Variants in BOLL observed in about 807,000 individuals in gnomAD.
BOLL encodes boule RNA binding protein, also known as protein boule-like.
Under a neutral mutation model 44.4 loss-of-function variants are expected in BOLL, and 23 were observed. That is an observed-to-expected ratio of 0.52 (90% confidence interval 0.37 to 0.73). BOLL has a LOEUF of 0.73. Ranked by LOEUF, BOLL falls within the 30% of genes least tolerant of loss-of-function variation. The pLI is 0.00. For synonymous variants in BOLL, 97 were observed against 110.8 expected (o/e 0.88, Z 0.78); for missense variants, 287 against 338.3 (o/e 0.85, Z 1.19).
chr2:197,780,241 A>G (rs775728126), intron 2 of BOLL, among the ~76,000 whole-genome samples: 3 of 152,166 alleles, frequency 2.0e-5, no homozygotes, highest in Non-Finnish European at 4.4e-5. Flanking sequence ...GTTTGCTTAT[A>G]AAAATGAAAG....
At position 197,728,379 on chromosome 2, in the gene BOLL, C is replaced by T; in HGVS notation, c.*176G>A. ...TAATTTTGTAGAACAGCTGAAAAAG[C>T]AAATTTCATCAAATTTAGACAGCTT... On this transcript the variant is annotated 3_prime_UTR_variant, in exon 11 of 11. Coordinates refer to ENST00000392296, the MANE Select transcript of BOLL (RefSeq NM_033030.6). 9.4e-7 allele frequency: 1 copy of T among 1,060,734 alleles called. No individual in the cohort carries two copies. Among genetic ancestry groups the T allele is most frequent in the Non-Finnish European group, 1.3e-6 (1 of 744,114 alleles). The allele number at this position is 1,060,734 out of a possible 1,614,324, so 65.7% of individuals were successfully genotyped here.
At chr2:197,757,514 A>G in intron 7 of BOLL, 114 bp from the exon 8 acceptor site, 1 of 820,028 alleles carries the variant, frequency 1.2e-6, no homozygotes, top group Non-Finnish European at 1.9e-6. Flanking sequence ...ACAAAAATTA[A>G]CTCAAGCCAT....
chr2:197,748,818 C>T (rs1228063617), intron 9 of BOLL, among the ~76,000 whole-genome samples: 4 of 152,262 alleles, frequency 2.6e-5, no homozygotes, highest in Admixed American at 6.5e-5. Flanking sequence ...CTTCAGCAGA[C>T]TTAAATGTTC....
chr2:197,758,306 A>G (rs1688606797), intron 7 of BOLL, among the ~76,000 whole-genome samples: 2 of 152,220 alleles, frequency 1.3e-5, no homozygotes, highest in Admixed American at 6.5e-5. Flanking sequence ...TATCCATACA[A>G]TGGGATATTA....
At chr2:197,736,885 A>T (rs185940372) in intron 10 of BOLL, among the ~76,000 whole-genome samples, 253 of 152,026 alleles carry the variant, frequency 1.7e-3, no homozygotes, top group Non-Finnish European at 2.1e-3. Flanking sequence ...TGCTCTCTCT[A>T]TTCTAGCATT....
chr2:197,747,346 G>A (rs1384653515), intron 9 of BOLL, among the ~76,000 whole-genome samples: 4 of 152,050 alleles, frequency 2.6e-5, no homozygotes, highest in African/African-American at 9.7e-5. Flanking sequence ...CACTTTGGGA[G>A]GCCGAGGCAG....
chr2:197,730,724 G>A (rs1687122953), intron 10 of BOLL, among the ~76,000 whole-genome samples: 1 of 151,626 alleles, frequency 6.6e-6, no homozygotes, highest in Non-Finnish European at 1.5e-5. Context: ...AGCTTCATAA[G>A]TGAAGGAGAA....
chr2:197,740,710 A>C lies in BOLL; in HGVS notation c.828+2351T>G, dbSNP rs560655273. Among the ~76,000 whole-genome samples the C allele has an allele frequency of 9.9e-5, 15 of 152,276 alleles. No individual in the cohort carries two copies. The South Asian group carries it at 3.1e-3, about 32-fold the overall frequency. The stretch of plus-strand genomic sequence containing the variant: ...TTCATATAGATAGAAAGTAAATTAG[A>C]GGTTACCAGGGACTAGGGGTTGAGA... On this transcript the variant is annotated intron_variant, in intron 10 of 10. Coordinates refer to ENST00000392296, the MANE Select transcript of BOLL (RefSeq NM_033030.6).
At position 197,771,997 on chromosome 2, in the gene BOLL, AAAT is replaced by A; in HGVS notation, c.353-18_353-16del. On this transcript the variant is annotated splice_polypyrimidine_tract_variant and intron_variant, in intron 5 of 10. Transcript: ENST00000392296. ...TATACTAGAACCTAAAGCAAAGATT[AAAT>A]AATAATAATTGAAATGTTCAATTTA... is the stretch of plus-strand genomic sequence containing the variant. The A allele has an allele frequency of 2.0e-6, 3 of 1,531,088 alleles. No homozygotes were observed. Among genetic ancestry groups the A allele is most frequent in the Non-Finnish European group, 2.7e-6 (3 of 1,131,088 alleles). The allele number at this position is 1,531,088 out of a possible 1,614,324, so 94.8% of individuals were successfully genotyped here.
chr2:197,754,865 A>G (rs1261941776), intron 9 of BOLL, among the ~76,000 whole-genome samples: 2 of 152,336 alleles, frequency 1.3e-5, no homozygotes, highest in South Asian at 4.1e-4. Flanking sequence ...GAAAACATCA[A>G]AAGCAATTGC....
At position 197,762,112 on chromosome 2, in the gene BOLL, G is replaced by A. The variant is rs372838824; in HGVS notation, c.552+4420C>T. Among the ~76,000 whole-genome samples, 47 of 152,240 alleles carry A rather than the reference G, an allele frequency of 3.1e-4. 2 individuals are homozygous for A. The highest frequency in any genetic ancestry group is 1.2e-3 in the Admixed American group (19 of 15,294). On this transcript the variant is annotated intron_variant, in intron 7 of 10. Coordinates refer to ENST00000392296, the MANE Select transcript of BOLL (RefSeq NM_033030.6). ...TGTAGTGCCAGCACTTTGGGAGGCC[G>A]AGGTGGGCAGATCACAAGGTCAGGA...
intron 5 of BOLL, chr2:197,774,043 C>A: frequency 2.2e-6 from 1 of 462,776 alleles, no homozygotes; most frequent in Non-Finnish European, 4.5e-6. Flanking sequence ...TGGAGTCAAA[C>A]AGTCCTGCAT....
At chr2:197,778,832 A>ACACACACACACACACACACAC in intron 3 of BOLL, 143 bp downstream of exon 3, 1 of 614,026 alleles carries the variant, frequency 1.6e-6, no homozygotes, top group African/African-American at 1.9e-5. Flanking sequence ...ACACACACAC[A>ACACACACACACACACACACAC]AGGAAATCAA....
chr2:197,773,785 C>G (rs1236742907), intron 5 of BOLL, among the ~76,000 whole-genome samples: 1 of 151,712 alleles, frequency 6.6e-6, no homozygotes, highest in African/African-American at 2.4e-5. Context: ...ATAAGAGGTG[C>G]ACTTTTGAAA....
chr2:197,754,301 T>G (rs955669314), intron 9 of BOLL, among the ~76,000 whole-genome samples: 1 of 152,088 alleles, frequency 6.6e-6, no homozygotes, highest in East Asian at 1.9e-4. Flanking sequence ...AAAATGGTCC[T>G]GGGAAAACTG....
At chr2:197,777,752 G>A (rs1429585725) in intron 3 of BOLL, among the ~76,000 whole-genome samples, 3 of 151,522 alleles carry the variant, frequency 2.0e-5, no homozygotes, top group Non-Finnish European at 3.0e-5. Flanking sequence ...AGCCACAATA[G>A]GTAGAGAAAA....
intron 9 of BOLL, among the ~76,000 whole-genome samples, chr2:197,750,184 T>C (rs1688170240): frequency 6.6e-6 from 1 of 152,186 alleles, no homozygotes; most frequent in Admixed American, 6.5e-5. Context: ...TACCAGTGAC[T>C]GCAAAAACAT....
chr2:197,755,222 T>G (rs922721363), intron 9 of BOLL, among the ~76,000 whole-genome samples: 1 of 152,148 alleles, frequency 6.6e-6, no homozygotes, highest in African/African-American at 2.4e-5. Context: ...GAATGGCGAT[T>G]ATTAAAAAGT....
intron 10 of BOLL, among the ~76,000 whole-genome samples, chr2:197,740,374 T>G (rs1687675353): frequency 6.6e-6 from 1 of 152,210 alleles, no homozygotes; most frequent in African/African-American, 2.4e-5. Context: ...TTGATCAGTC[T>G]GTGGCTCTTT....
Sources: allele counts gnomAD v4.1 joint callset (sites outside exome capture counted in the v4.1 genomes callset), GRCh38; gene constraint gnomAD v4.1.1; transcripts MANE v1.5; gene names NCBI Gene and HGNC (gene_info 2026-07-23, HGNC 2026-07-21).